The following ACCSL variants were observed in gnomAD, a reference collection of about 807,000 sequenced individuals.
ACCSL encodes 1-aminocyclopropane-1-carboxylate synthase homolog (inactive) like.
In ACCSL, 55 loss-of-function variants were observed where a neutral mutation model predicts 61.7. The observed-to-expected ratio is 0.89, with a 90% CI of 0.72 to 1.12. The LOEUF (loss-of-function observed/expected upper bound fraction) is 1.12. ACCSL is among the 50% of genes most tolerant of loss of function. The probability of loss-of-function intolerance (pLI) is 0.00; values close to 1 mark genes in which losing one functional copy is unlikely to be tolerated. For synonymous variants in ACCSL, 258 were observed against 264.3 expected, an observed-to-expected ratio of 0.98 and a Z score of 0.23; for missense variants, 632 against 698.0, an observed-to-expected ratio of 0.91 and a Z score of 1.07.
chr11:44,011,540 C>G, the ACCSL span, among the ~76,000 whole-genome samples: 4 of 152,196 alleles, frequency 2.6e-5, no homozygotes, highest in South Asian at 8.3e-4. Flanking sequence ...CTCGGTCTCC[C>G]TATCCTGATC....
chr11:43,985,466 C>T, the ACCSL span, among the ~76,000 whole-genome samples: 1 of 152,152 alleles, frequency 6.6e-6, no homozygotes, highest in African/African-American at 2.4e-5. Flanking sequence ...AGGAGCTGTT[C>T]TTCCTTCTCA....
Position 44,059,969 on chromosome 11 carries a change from C to A in ACCSL, c.*49C>A. The stretch of plus-strand genomic sequence containing the variant: ...TTCCAGCCCATCACTTGCTCAGGGA[C>A]CCCCTAATGTCAGCCTCTGGCCCAG... On this transcript the variant is annotated 3_prime_UTR_variant, in exon 14 of 14. Transcript: ENST00000378832. The A allele has an allele frequency of 1.3e-6, 2 of 1,557,302 alleles. No individual in the cohort carries two copies. Among genetic ancestry groups the A allele is most frequent in the Non-Finnish European group, 8.8e-7 (1 of 1,130,946 alleles).
At chr11:44,040,509 T>C in the ACCSL span, among the ~76,000 whole-genome samples, 2 of 151,976 alleles carry the variant, frequency 1.3e-5, no homozygotes, top group African/African-American at 4.8e-5. Context: ...AAAAGGTGGA[T>C]CTTATTATTA....
the ACCSL span, among the ~76,000 whole-genome samples, chr11:43,927,855 G>A: frequency 2.0e-5 from 3 of 152,206 alleles, no homozygotes; most frequent in Non-Finnish European, 4.4e-5. Context: ...AGAAGAAGCT[G>A]TCCTGTGCCT....
At chr11:43,986,383 C>T in the ACCSL span, among the ~76,000 whole-genome samples, 2 of 146,516 alleles carry the variant, frequency 1.4e-5, no homozygotes, top group Non-Finnish European at 3.0e-5. Flanking sequence ...CTCTTGCTTA[C>T]AACCCTTCTC....
the ACCSL span, among the ~76,000 whole-genome samples, chr11:43,996,235 G>T: frequency 6.6e-6 from 1 of 152,186 alleles, no homozygotes; most frequent in Non-Finnish European, 1.5e-5. Flanking sequence ...GCCCCCCACT[G>T]GTAGTACTTT....
chr11:44,030,672 C>T, the ACCSL span, among the ~76,000 whole-genome samples: 1 of 152,034 alleles, frequency 6.6e-6, no homozygotes, highest in African/African-American at 2.4e-5. Context: ...GAAGGCAACA[C>T]CAGATTATGA....
At chr11:44,040,256 T>C in the ACCSL span, among the ~76,000 whole-genome samples, 63 of 152,322 alleles carry the variant, frequency 4.1e-4, 1 homozygote, top group South Asian at 0.013. Context: ...TTTGTAAGTA[T>C]TAGAATCACC....
At chr11:43,987,381 C>A in the ACCSL span, among the ~76,000 whole-genome samples, 1 of 152,188 alleles carries the variant, frequency 6.6e-6, no homozygotes, top group African/African-American at 2.4e-5. Context: ...TTTCCAGACT[C>A]CTCCTTTCAG....
At chr11:44,040,918 T>G in the ACCSL span, among the ~76,000 whole-genome samples, 1 of 152,188 alleles carries the variant, frequency 6.6e-6, no homozygotes, top group Non-Finnish European at 1.5e-5. Flanking sequence ...GTTGACCAAC[T>G]TGGGTTTGAA....
Position 44,048,269 on chromosome 11 carries a change from T to C in ACCSL, c.233T>C (p.Met78Thr). The C allele has an allele frequency of 1.2e-6, 2 of 1,614,120 alleles. No individual in the cohort carries two copies. Among genetic ancestry groups the C allele is most frequent in the Admixed American group, 1.7e-5 (1 of 60,022 alleles). ...CTTCTGAGTCGCTTAATATGCCGGA[T>C]GATCAACCTCCTACAGTCTGGGGCC... ...EALLSRLICR[M>T]INLLQSGAAS... Residue 78 changes from methionine (M) to threonine (T), a missense_variant, in exon 1 of 14, where the codon ATG (methionine) becomes ACG (threonine). Transcript: ENST00000378832.
chr11:44,002,321 G>T, the ACCSL span, among the ~76,000 whole-genome samples: 1 of 152,088 alleles, frequency 6.6e-6, no homozygotes, highest in African/African-American at 2.4e-5. Context: ...GCCCCACCCC[G>T]AGCTGGCCTA....
At chr11:44,024,439 CTCTGTGTGTGTGTGTG>C in the ACCSL span, among the ~76,000 whole-genome samples, 1 of 48,904 alleles carries the variant, frequency 2.0e-5, no homozygotes, top group African/African-American at 6.8e-5. Context: ...CTCTCTCTCT[CTCTGTGTGTGTGTGTG>C]TGTGTGTGTG....
At chr11:43,932,612 C>T in the ACCSL span, among the ~76,000 whole-genome samples, 2 of 152,162 alleles carry the variant, frequency 1.3e-5, no homozygotes, top group Non-Finnish European at 2.9e-5. Context: ...AGTATCGGAG[C>T]AGGCAGTCCT....
At chr11:44,000,598 G>T in the ACCSL span, among the ~76,000 whole-genome samples, 1 of 145,102 alleles carries the variant, frequency 6.9e-6, no homozygotes. Context: ...GGGAGGATGT[G>T]CATAGTGAAT....
At chr11:44,030,348 C>G in the ACCSL span, among the ~76,000 whole-genome samples, 1 of 151,810 alleles carries the variant, frequency 6.6e-6, no homozygotes. Flanking sequence ...CCCACTCTCC[C>G]TCCTGTTTCT....
chr11:43,924,252 G>A, the ACCSL span, among the ~76,000 whole-genome samples: 28 of 152,356 alleles, frequency 1.8e-4, no homozygotes, highest in African/African-American at 6.7e-4. Context: ...TCTGGTGTCC[G>A]CAGTGGTCTG....
At chr11:44,052,152 A>G (rs1320090424) in intron 5 of ACCSL, among the ~76,000 whole-genome samples, 1 of 152,238 alleles carries the variant, frequency 6.6e-6, no homozygotes, top group East Asian at 1.9e-4. Flanking sequence ...AGAGGCTCCA[A>G]TGTTAAAGAG....
At chr11:44,013,016 G>A in the ACCSL span, among the ~76,000 whole-genome samples, 1 of 152,114 alleles carries the variant, frequency 6.6e-6, no homozygotes, top group African/African-American at 2.4e-5. Flanking sequence ...CCGGGAGCAT[G>A]GTAAATACTC....
Sources: gnomAD v4.1 joint callset for allele counts (sites outside exome capture counted in the v4.1 genomes callset) on GRCh38, gnomAD v4.1.1 for gene constraint, MANE v1.5 for transcripts, NCBI Gene and HGNC (gene_info 2026-07-23, HGNC 2026-07-21) for gene names.